Variants in ZDHHC20 observed in about 807,000 individuals in gnomAD.
ZDHHC20 encodes the protein palmitoyltransferase ZDHHC20.
In ZDHHC20, 43 loss-of-function variants were observed where a neutral mutation model predicts 57.8. The ratio of observed to expected loss-of-function variants is 0.74; its 90% CI spans 0.58 to 0.96. The LOEUF (loss-of-function observed/expected upper bound fraction) is 0.96, where lower values mean the gene tolerates loss of function less well. Among genes scored for constraint, ZDHHC20 ranks in the 40% least tolerant of loss-of-function variants. ZDHHC20 has a pLI of 0.00. For synonymous variants in ZDHHC20, 157 were observed against 153.0 expected (o/e 1.03, Z -0.19); for missense variants, 391 against 441.1 (o/e 0.89, Z 1.02).
chr13:21,379,838 A>C (rs1394048329), intron 11 of ZDHHC20, among the ~76,000 whole-genome samples: 1 of 27,094 alleles, frequency 3.7e-5, no homozygotes, highest in Admixed American at 4.5e-4. Flanking sequence ...TTTTTTTGAG[A>C]TGGAATCTCG....
chr13:21,459,294 T>C lies in ZDHHC20; in HGVS notation c.-123A>G, dbSNP rs1885205361. The C allele has an allele frequency of 2.7e-5, 18 of 670,980 alleles. 1 individual carries two copies. Among genetic ancestry groups the C allele is most frequent in the South Asian group, 6.8e-5 (3 of 43,860 alleles). 41.6% of individuals were successfully genotyped at this position (670,980 alleles called of 1,614,324 possible). On this transcript the variant is annotated 5_prime_UTR_variant, in exon 1 of 13. Coordinates refer to ENST00000400590, the MANE Select transcript of ZDHHC20 (RefSeq NM_001330059.2). Reference sequence around the variant, plus strand: ...AGCTCCCCCGCCTCCGAGGCAGGACTTGTGGGAGCAAAAGTCCGAGGCGCC... The same window carrying C: ...AGCTCCCCCGCCTCCGAGGCAGGACCTGTGGGAGCAAAAGTCCGAGGCGCC...
intron 1 of ZDHHC20, among the ~76,000 whole-genome samples, chr13:21,446,893 A>G (rs1188775026): frequency 1.3e-5 from 2 of 152,186 alleles, no homozygotes; most frequent in Admixed American, 6.5e-5. Context: ...AAGAGTGGAA[A>G]GGAAATTATG....
chr13:21,390,060 A>G (rs1015290233), intron 8 of ZDHHC20: 1 of 152,206 alleles, frequency 6.6e-6, no homozygotes, highest in East Asian at 1.9e-4. Flanking sequence ...AAATCCTCAC[A>G]CTGGAAGCCC....
intron 1 of ZDHHC20, among the ~76,000 whole-genome samples, chr13:21,442,821 T>C (rs1400520606): frequency 1.3e-5 from 2 of 152,210 alleles, no homozygotes; most frequent in East Asian, 3.8e-4. Context: ...TTTATATTTA[T>C]GTCTGGATAC....
intron 7 of ZDHHC20, among the ~76,000 whole-genome samples, chr13:21,399,009 AAG>A (rs1461441604): frequency 1.3e-5 from 2 of 152,224 alleles, no homozygotes; most frequent in African/African-American, 4.8e-5. Context: ...TTGAAATTTA[AAG>A]AGAGTTTAAA....
intron 7 of ZDHHC20, among the ~76,000 whole-genome samples, chr13:21,397,893 A>G (rs943467870): frequency 2.0e-5 from 3 of 152,158 alleles, no homozygotes; most frequent in African/African-American, 7.2e-5. Flanking sequence ...AAGACAGGAA[A>G]TTAGGAGATG....
chr13:21,447,160 A>T (rs183231971), intron 1 of ZDHHC20, among the ~76,000 whole-genome samples: 1 of 151,886 alleles, frequency 6.6e-6, no homozygotes, highest in Non-Finnish European at 1.5e-5. Context: ...AACCCACCCT[A>T]AAACTTAAGT....
intron 3 of ZDHHC20, among the ~76,000 whole-genome samples, chr13:21,414,417 G>A (rs1408847931): frequency 6.6e-6 from 1 of 151,148 alleles, no homozygotes; most frequent in Non-Finnish European, 1.5e-5. Context: ...CTAGAGTGCA[G>A]TGGAGTGATT....
At chr13:21,414,658 A>G (rs956805930) in intron 3 of ZDHHC20, among the ~76,000 whole-genome samples, 18 of 151,428 alleles carry the variant, frequency 1.2e-4, no homozygotes, top group Non-Finnish European at 2.2e-4. Flanking sequence ...GGCGTGAGCC[A>G]CCGCGCCCGG....
chr13:21,409,202 C>T (rs976050074), intron 4 of ZDHHC20, among the ~76,000 whole-genome samples: 2 of 152,174 alleles, frequency 1.3e-5, no homozygotes, highest in East Asian at 1.9e-4. Context: ...CCTCTTTGTA[C>T]CTCTGGTAGA....
intron 1 of ZDHHC20, among the ~76,000 whole-genome samples, chr13:21,429,679 C>G (rs1285910635): frequency 2.0e-5 from 3 of 152,066 alleles, no homozygotes; most frequent in South Asian, 2.1e-4. Context: ...CTTTGAATAC[C>G]TTTTCAACCA....
At chr13:21,387,912 T>C (rs893808910) in intron 8 of ZDHHC20, among the ~76,000 whole-genome samples, 2 of 151,336 alleles carry the variant, frequency 1.3e-5, no homozygotes, top group Non-Finnish European at 2.9e-5. Flanking sequence ...ATCTCTTGGC[T>C]TTTTTTTTCT....
intron 9 of ZDHHC20, among the ~76,000 whole-genome samples, chr13:21,385,791 C>T (rs1874362635): frequency 6.6e-6 from 1 of 152,262 alleles, no homozygotes; most frequent in East Asian, 1.9e-4. Flanking sequence ...GGAGGATAAA[C>T]ACCAAGGAAC....
intron 1 of ZDHHC20, among the ~76,000 whole-genome samples, chr13:21,447,515 C>T (rs1445194902): frequency 2.0e-5 from 3 of 147,046 alleles, no homozygotes; most frequent in Non-Finnish European, 4.6e-5. Context: ...AGCCCCTAAC[C>T]GCGAGTGATC....
At chr13:21,426,965 T>C (rs1037827196) in intron 1 of ZDHHC20, among the ~76,000 whole-genome samples, 1 of 152,130 alleles carries the variant, frequency 6.6e-6, no homozygotes, top group African/African-American at 2.4e-5. Context: ...CTAAACAAAT[T>C]GTGGTTTCCC....
intron 1 of ZDHHC20, among the ~76,000 whole-genome samples, chr13:21,426,148 A>C (rs1881221824): frequency 6.6e-6 from 1 of 152,190 alleles, no homozygotes; most frequent in East Asian, 1.9e-4. Context: ...TTTTCCTCTG[A>C]ATAATCAAAT....
At chr13:21,396,437 T>C (rs1427094860) in intron 7 of ZDHHC20, among the ~76,000 whole-genome samples, 1 of 152,092 alleles carries the variant, frequency 6.6e-6, no homozygotes, top group Admixed American at 6.6e-5. Context: ...TAAATTTATA[T>C]GGAATAGACA....
chr13:21,375,268 G>C lies in ZDHHC20; in HGVS notation c.*1428C>G, dbSNP rs1207670913. ...TGCAGTCCCATTTTACAGACAGGAA[G>C]CTCCAACCTGTAGTACTCACAGATG... On this transcript the variant is annotated 3_prime_UTR_variant, in exon 13 of 13. Coordinates refer to ENST00000400590, the MANE Select transcript of ZDHHC20 (RefSeq NM_001330059.2). The C allele has an allele frequency of 2.3e-6, 1 of 432,662 alleles. No homozygotes were observed. Among genetic ancestry groups the C allele is most frequent in the African/African-American group, 2.0e-5 (1 of 49,262 alleles). The allele number at this position is 432,662 out of a possible 1,614,324, so 26.8% of individuals were successfully genotyped here. A position where few individuals can be genotyped will look rare whatever the true frequency, so the allele number is the denominator to read the frequency against.
At chr13:21,410,351 T>C (rs1056191382) in intron 4 of ZDHHC20, among the ~76,000 whole-genome samples, 1 of 152,222 alleles carries the variant, frequency 6.6e-6, no homozygotes, top group Admixed American at 6.5e-5. Flanking sequence ...AGGGACCTAC[T>C]TGAGGCAGTC....
Sources: gnomAD v4.1 joint callset for allele counts (sites outside exome capture counted in the v4.1 genomes callset) on GRCh38, gnomAD v4.1.1 for gene constraint, MANE v1.5 for transcripts, NCBI Gene and HGNC (gene_info 2026-07-23, HGNC 2026-07-21) for gene names.